FBRSL1: variants seen among roughly 807,000 people sequenced by gnomAD.
FBRSL1 encodes the protein fibrosin-1-like protein.
FBRSL1 carries 51 observed loss-of-function variants against 89.6 expected under a neutral mutation model. The ratio of observed to expected loss-of-function variants is 0.57; its 90% CI spans 0.45 to 0.72. FBRSL1 has a LOEUF of 0.72. Among genes scored for constraint, FBRSL1 ranks in the 30% least tolerant of loss-of-function variants. FBRSL1 has a pLI of 0.00. For missense variants in FBRSL1, 1,618 were observed against 1,451.8 expected, an observed-to-expected ratio of 1.11 and a Z score of -1.86; for synonymous variants, 779 against 681.1, an observed-to-expected ratio of 1.14 and a Z score of -2.24.
chr12:132,510,543 G>T (rs979256309), intron 2 of FBRSL1: 7 of 1,231,176 alleles, frequency 5.7e-6, no homozygotes, highest in Non-Finnish European at 4.0e-6. Flanking sequence ...TTGCCCTTCG[G>T]GCTGGAGATG....
chr12:132,493,445 C>T (rs1005120462), intron 1 of FBRSL1, among the ~76,000 whole-genome samples: 25 of 152,120 alleles, frequency 1.6e-4, no homozygotes, highest in Admixed American at 1.6e-3. Context: ...AGCCTGCCTG[C>T]AGGAGTCCTG....
At chr12:132,547,970 C>T in intron 4 of FBRSL1, 33 bp from the exon 5 acceptor site, 1 of 1,549,336 alleles carries the variant, frequency 6.5e-7, no homozygotes, top group Non-Finnish European at 8.7e-7. Flanking sequence ...GTTGGTGGGG[C>T]CCCGACTCAC....
intron 5 of FBRSL1, chr12:132,551,005 G>A (rs141786986): frequency 3.3e-4 from 82 of 245,928 alleles, no homozygotes; most frequent in African/African-American, 1.5e-3. Flanking sequence ...CCCACTGGCC[G>A]TCCCCAGCCC....
chr12:132,570,994 C>T (rs1222760097), intron 8 of FBRSL1, 74 bp from the exon 9 acceptor site: 2 of 939,002 alleles, frequency 2.1e-6, no homozygotes, highest in Admixed American at 1.2e-4. Flanking sequence ...CGGGATGGGA[C>T]CAGGATGCTG....
Position 132,583,695 on chromosome 12 carries a change from A to G in FBRSL1, c.2926A>G (p.Thr976Ala). 2.5e-6 allele frequency: 3 copies of G among 1,181,384 alleles called. No homozygotes were observed. Among genetic ancestry groups the G allele is most frequent in the Non-Finnish European group, 1.0e-6 (1 of 955,740 alleles). 73.2% of individuals were successfully genotyped at this position (1,181,384 alleles called of 1,614,324 possible). A position where few individuals can be genotyped will look rare whatever the true frequency, so the allele number is the denominator to read the frequency against. Residue 976 changes from threonine (T) to alanine (A), a missense_variant, in exon 19 of 19, where the codon ACT becomes GCT. Physicochemically the swap from Thr to Ala is moderately conservative, Grantham distance 58. Coordinates refer to ENST00000680143, the MANE Select transcript of FBRSL1 (RefSeq NM_001367871.1). ...PTPPGPPRSR[T>A]TPLGGLGPGE... is the part of the protein sequence containing the mutation. ...GCCCCCCGGGCCGCCGCGGAGCCGG[A>G]CTACTCCGCTGGGGGGCCTCGGGCC...
rs926582916 is a variant in FBRSL1 at position 132,582,256 on chromosome 12, G to C, written c.2191G>C (p.Glu731Gln). 5.8e-6 allele frequency: 9 copies of C among 1,549,882 alleles called. No individual in the cohort carries two copies. In the African/African-American group the frequency reaches 6.8e-5, roughly 12 times the overall value. The change falls in exon 18 of 19, where the codon GAG becomes CAG. Residue 731 changes from glutamate to glutamine, a missense_variant. Glu to Gln is a conservative substitution (Grantham distance 29, BLOSUM62 2). Coordinates refer to ENST00000680143, the MANE Select transcript of FBRSL1 (RefSeq NM_001367871.1). ...CCGAGAGCCGGACAATGGCAAGGAG[G>C]AGCAGGAACGGTGAGTGGCCCTCTT... ...HDREPDNGKE[E>Q]QERDLLEKTR...
intron 4 of FBRSL1, among the ~76,000 whole-genome samples, chr12:132,532,992 C>T (rs1032378806): frequency 2.6e-5 from 4 of 152,166 alleles, no homozygotes; most frequent in South Asian, 2.1e-4. Context: ...ACACTCATTA[C>T]GGGGCTCCTT....
At chr12:132,528,149 T>C (rs4883565) in intron 4 of FBRSL1, among the ~76,000 whole-genome samples, 161 bp downstream of exon 4, 45,153 of 151,756 alleles carry the variant, frequency 0.3, 7,241 homozygotes, top group East Asian at 0.52. Flanking sequence ...CACCATGGGG[T>C]TGGTGGGGGG....
intron 15 of FBRSL1, 29 bp downstream of exon 15, chr12:132,576,960 G>T (rs1289145292): frequency 3.2e-6 from 5 of 1,538,744 alleles, no homozygotes; most frequent in Non-Finnish European, 4.4e-6. Context: ...CAGGTGGGGG[G>T]CACAGAAACC....
chr12:132,578,650 C>T (rs2040543348), intron 15 of FBRSL1, among the ~76,000 whole-genome samples: 1 of 152,218 alleles, frequency 6.6e-6, no homozygotes, highest in Non-Finnish European at 1.5e-5. Context: ...AGTTGTCCTG[C>T]TGATGGAACC....
At chr12:132,571,935 G>A (rs2040045377) in intron 9 of FBRSL1, 2 of 385,586 alleles carry the variant, frequency 5.2e-6, no homozygotes, top group Admixed American at 4.4e-5. Context: ...ACTCTCTCGA[G>A]TTTTATTCGG....
intron 4 of FBRSL1, among the ~76,000 whole-genome samples, chr12:132,542,170 G>A (rs2037318466): frequency 6.6e-6 from 1 of 152,214 alleles, no homozygotes; most frequent in South Asian, 2.1e-4. Flanking sequence ...CCAGGAACTG[G>A]CACACGCAGG....
chr12:132,511,355 G>A lies in FBRSL1; in HGVS notation c.489+3005G>A, dbSNP rs183174890. ...TCTGGCTGTTGACCTACATGTGGTC[G>A]GGCACACCTCACACTACAAGGCTAC... On this transcript the variant is annotated intron_variant, in intron 2 of 18. Transcript: ENST00000680143. The A allele has an allele frequency of 2.0e-3, 2,006 of 985,628 alleles. 2 individuals are homozygous for A. The highest frequency in any genetic ancestry group is 2.3e-3 in the Non-Finnish European group (1,872 of 830,084). The allele number at this position is 985,628 out of a possible 1,614,324, so 61.1% of individuals were successfully genotyped here. A position where few individuals can be genotyped will look rare whatever the true frequency, so the allele number is the denominator to read the frequency against.
chr12:132,583,573 C>T lies in FBRSL1; in HGVS notation c.2804C>T (p.Pro935Leu), dbSNP rs2040945010. Reference sequence around the variant, plus strand: ...GCCCTGCACTTCCCGCGCCTCTCGCCCGCCGCGCTGCACAATGGGCTCCTG... The same window carrying T: ...GCCCTGCACTTCCCGCGCCTCTCGCTCGCCGCGCTGCACAATGGGCTCCTG... The part of the protein sequence containing the change: ...LGALHFPRLS[P>L]AALHNGLLAR... The change falls in exon 19 of 19, where the codon CCC becomes CTC. Residue 935 changes from proline to leucine, a missense_variant. Transcript: ENST00000680143. 2.9e-6 allele frequency: 3 copies of T among 1,020,172 alleles called. No individual in the cohort carries two copies. Among genetic ancestry groups the T allele is most frequent in the African/African-American group, 3.5e-5 (2 of 56,932 alleles). 63.2% of individuals were successfully genotyped at this position (1,020,172 alleles called of 1,614,324 possible). A position where few individuals can be genotyped will look rare whatever the true frequency, so the allele number is the denominator to read the frequency against.
Position 132,547,445 on chromosome 12 carries a change from G to A in FBRSL1, c.616-558G>A, listed in dbSNP as rs949876833. Among the ~76,000 whole-genome samples the A allele has an allele frequency of 2.6e-5, 4 of 152,182 alleles. No individual in the cohort carries two copies. In the East Asian group the frequency reaches 5.8e-4, roughly 22 times the overall value. ...ATCGAGTGTCTAACCCTGAGCGGCC[G>A]TGGCCCTCCGTGCGCTGCCAGCCCC... On this transcript the variant is annotated intron_variant, in intron 4 of 18. Transcript: ENST00000680143.
At chr12:132,520,123 C>T (rs1424526690) in intron 2 of FBRSL1, among the ~76,000 whole-genome samples, 1 of 146,474 alleles carries the variant, frequency 6.8e-6, no homozygotes, top group Non-Finnish European at 1.5e-5. Flanking sequence ...CCTCCAGCAC[C>T]CCCTCCTTGC....
Position 132,581,721 on chromosome 12 carries a change from T to A in FBRSL1, c.1913-20T>A. ...AGCCCACGCCTCACAGACCTCTGGG[T>A]CCCGCGGTTGCCCCCACAGACCCTT... On this transcript the variant is annotated intron_variant, in intron 16 of 18. Transcript: ENST00000680143. The A allele has an allele frequency of 6.5e-7, 1 of 1,549,704 alleles. No individual in the cohort carries two copies. Among genetic ancestry groups the A allele is most frequent in the Non-Finnish European group, 8.7e-7 (1 of 1,146,468 alleles).
At chr12:132,501,629 G>T (rs1242215367) in intron 1 of FBRSL1, among the ~76,000 whole-genome samples, 4 of 152,152 alleles carry the variant, frequency 2.6e-5, no homozygotes, top group African/African-American at 9.7e-5. Flanking sequence ...CAAGGCCTTG[G>T]ACAGGAGTGA....
At chr12:132,531,420 C>T (rs916316567) in intron 4 of FBRSL1, among the ~76,000 whole-genome samples, 5 of 151,800 alleles carry the variant, frequency 3.3e-5, no homozygotes, top group Admixed American at 6.6e-5. Flanking sequence ...TGTGCATGTG[C>T]GTGTGGGCAG....
Sources: allele counts gnomAD v4.1 joint callset (sites outside exome capture counted in the v4.1 genomes callset), GRCh38; gene constraint gnomAD v4.1.1; transcripts MANE v1.5; gene names NCBI Gene and HGNC (gene_info 2026-07-23, HGNC 2026-07-21).